Variants in TXNDC12 observed in about 807,000 individuals in gnomAD.
TXNDC12 encodes thioredoxin domain containing 12.
TXNDC12 carries 22 observed loss-of-function variants against 24.2 expected under a neutral mutation model. The observed-to-expected ratio is 0.91, with a 90% CI of 0.65 to 1.30. The LOEUF (loss-of-function observed/expected upper bound fraction) is 1.30. Among genes scored for constraint, TXNDC12 ranks in the 50% most tolerant of loss-of-function variants. The pLI, the probability that TXNDC12 is intolerant of heterozygous loss-of-function variation, is 0.00. For synonymous variants in TXNDC12, 58 were observed against 73.4 expected, an observed-to-expected ratio of 0.79 and a Z score of 1.07; for missense variants, 184 against 205.8, an observed-to-expected ratio of 0.89 and a Z score of 0.65.
chr1:52,021,303 G>A (rs1685593207), intron 6 of TXNDC12, among the ~76,000 whole-genome samples: 1 of 152,158 alleles, frequency 6.6e-6, no homozygotes, highest in Non-Finnish European at 1.5e-5. Flanking sequence ...AATCTTAGCA[G>A]TTATTTTGGC....
chr1:52,046,871 A>C (rs1307040873), intron 1 of TXNDC12, among the ~76,000 whole-genome samples: 1 of 82,274 alleles, frequency 1.2e-5, no homozygotes, highest in African/African-American at 9.1e-5. Context: ...AAAAAAATAT[A>C]TATATATATA....
intron 2 of TXNDC12, among the ~76,000 whole-genome samples, chr1:52,035,670 C>T (rs1054180564): frequency 2.0e-5 from 3 of 152,170 alleles, no homozygotes; most frequent in African/African-American, 7.2e-5. Flanking sequence ...CTAGATCGCA[C>T]CACTGCACTC....
At chr1:52,022,017 C>A (rs1041836607) in intron 6 of TXNDC12, among the ~76,000 whole-genome samples, 15 of 152,106 alleles carry the variant, frequency 9.9e-5, no homozygotes, top group Non-Finnish European at 1.6e-4. Context: ...GAATTGGAGA[C>A]CTAAAGCCCA....
At chr1:52,045,224 G>T (rs2124387534) in intron 1 of TXNDC12, among the ~76,000 whole-genome samples, 1 of 152,290 alleles carries the variant, frequency 6.6e-6, no homozygotes, top group East Asian at 1.9e-4. Context: ...GATAGTAACA[G>T]ATCAGTGGTT....
chr1:52,024,587 G>A lies in TXNDC12; in HGVS notation c.286-8C>T, dbSNP rs746348907. 1.2e-6 allele frequency: 2 copies of A among 1,602,078 alleles called. No homozygotes were observed. Among genetic ancestry groups the A allele is most frequent in the African/African-American group, 2.7e-5 (2 of 74,482 alleles). On this transcript the variant is annotated splice_region_variant and splice_polypyrimidine_tract_variant and intron_variant, in intron 4 of 6. Coordinates refer to ENST00000371626, the MANE Select transcript of TXNDC12 (RefSeq NM_015913.4). ...TTTGGGTTCCTCTTCATCCTATTAA[G>A]ATTAAATGTAAACCTTAAGTCAGAT... is the stretch of plus-strand genomic sequence containing the variant.
At chr1:52,036,624 A>C (rs1371772471) in intron 2 of TXNDC12, among the ~76,000 whole-genome samples, 1 of 152,212 alleles carries the variant, frequency 6.6e-6, no homozygotes, top group African/African-American at 2.4e-5. Flanking sequence ...ATACAATACC[A>C]ATCTTTTTTC....
chr1:52,045,439 C>T (rs1037395565), intron 1 of TXNDC12, among the ~76,000 whole-genome samples: 2 of 151,980 alleles, frequency 1.3e-5, no homozygotes, highest in African/African-American at 4.8e-5. Context: ...GGCCCTTATC[C>T]TTATGAGAAG....
At chr1:52,033,484 C>A (rs556191211) in intron 2 of TXNDC12, 9 of 1,613,688 alleles carry the variant, frequency 5.6e-6, no homozygotes, top group Non-Finnish European at 5.9e-6. Context: ...CCGTGCCAGG[C>A]AGTAGAGCTC....
chr1:52,039,705 C>A (rs771021810), intron 2 of TXNDC12, among the ~76,000 whole-genome samples: 1 of 152,146 alleles, frequency 6.6e-6, no homozygotes, highest in Admixed American at 6.6e-5. Context: ...TAATGTTGCA[C>A]GGCATTTTAA....
In TXNDC12 at chr1:52,021,021, T is replaced by C; in HGVS notation, c.440-9A>G. 6.2e-7 allele frequency: 1 copy of C among 1,608,244 alleles called. No homozygotes were observed. The highest frequency in any genetic ancestry group is 2.2e-5 in the East Asian group (1 of 44,838). On this transcript the variant is annotated splice_polypyrimidine_tract_variant and intron_variant, in intron 6 of 6. Transcript: ENST00000371626. The stretch of plus-strand genomic sequence containing the variant: ...CTTCATCCCCTGAACAACTGTGAAA[T>C]AAAGATTGGAGGAAAAAAGTATGAA...
intron 1 of TXNDC12, among the ~76,000 whole-genome samples, chr1:52,046,712 T>C (rs1686095947): frequency 6.7e-6 from 1 of 149,750 alleles, no homozygotes; most frequent in Non-Finnish European, 1.5e-5. Context: ...TGAAACCCCA[T>C]CTCTACTAAA....
At chr1:52,025,162 A>G (rs1685654759) in intron 4 of TXNDC12, among the ~76,000 whole-genome samples, 1 of 152,090 alleles carries the variant, frequency 6.6e-6, no homozygotes, top group South Asian at 2.1e-4. Flanking sequence ...CTGGCATTTT[A>G]GTCAAAGTTG....
intron 2 of TXNDC12, among the ~76,000 whole-genome samples, chr1:52,034,776 T>C (rs1209655403): frequency 2.6e-5 from 4 of 151,938 alleles, no homozygotes; most frequent in African/African-American, 9.7e-5. Context: ...ATTATTATTA[T>C]TTTTTGAGAT....
chr1:52,033,940 A>C (rs938713139), intron 2 of TXNDC12: 2 of 1,429,190 alleles, frequency 1.4e-6, no homozygotes, highest in Non-Finnish European at 1.8e-6. Context: ...TTTCTCAGAA[A>C]GGAGATACAG....
intron 2 of TXNDC12, 24 bp from the exon 3 acceptor site, chr1:52,028,654 A>T: frequency 6.4e-7 from 1 of 1,552,692 alleles, no homozygotes. Context: ...CAAAGAAATT[A>T]TAATCTAGTA....
At chr1:52,053,860 GC>G (rs1686269126) in intron 1 of TXNDC12, among the ~76,000 whole-genome samples, 1 of 152,084 alleles carries the variant, frequency 6.6e-6, no homozygotes, top group Non-Finnish European at 1.5e-5. Flanking sequence ...AACCTCCCCA[GC>G]CTTTCTACTT....
At chr1:52,035,232 G>A (rs2491868) in intron 2 of TXNDC12, among the ~76,000 whole-genome samples, 7,091 of 152,208 alleles carry the variant, frequency 0.047, 222 homozygotes, top group East Asian at 0.13. Context: ...CACATATACT[G>A]GGGTCTTTGT....
Position 52,024,586 on chromosome 1 carries a change from A to T in TXNDC12, c.286-7T>A, listed in dbSNP as rs781576466. The stretch of plus-strand genomic sequence containing the variant: ...CTTTGGGTTCCTCTTCATCCTATTA[A>T]GATTAAATGTAAACCTTAAGTCAGA... On this transcript the variant is annotated splice_region_variant and splice_polypyrimidine_tract_variant and intron_variant, in intron 4 of 6. Coordinates refer to ENST00000371626, the MANE Select transcript of TXNDC12 (RefSeq NM_015913.4). 4.4e-6 allele frequency: 7 copies of T among 1,603,114 alleles called. No homozygotes were observed. Among genetic ancestry groups the T allele is most frequent in the Non-Finnish European group, 6.0e-6 (7 of 1,172,938 alleles).
At chr1:52,032,912 C>T (rs1425887212) in intron 2 of TXNDC12, 3 of 1,611,270 alleles carry the variant, frequency 1.9e-6, no homozygotes, top group Non-Finnish European at 2.5e-6. Context: ...TCCATCAATC[C>T]GGCCAGTACT....
Sources: gnomAD v4.1 joint callset for allele counts (sites outside exome capture counted in the v4.1 genomes callset) on GRCh38, gnomAD v4.1.1 for gene constraint, MANE v1.5 for transcripts, NCBI Gene and HGNC (gene_info 2026-07-23, HGNC 2026-07-21) for gene names.